SKAP1: variants seen among roughly 807,000 people sequenced by gnomAD.
The protein encoded by SKAP1 is src kinase-associated phosphoprotein 1.
A neutral mutation model predicts 58.5 loss-of-function variants in SKAP1; 44 were observed. That is an observed-to-expected ratio of 0.75 (90% CI 0.59 to 0.97). The LOEUF is 0.97. Among genes scored for constraint, SKAP1 ranks in the 50% least tolerant of loss-of-function variants. The probability of loss-of-function intolerance (pLI) is 0.00; values close to 1 mark genes in which losing one functional copy is unlikely to be tolerated. For synonymous variants in SKAP1, 127 were observed against 149.7 expected (o/e 0.85, Z 1.11); for missense variants, 390 against 435.2 (o/e 0.90, Z 0.92).
chr17:48,152,925 G>A (rs769794360), intron 11 of SKAP1, among the ~76,000 whole-genome samples: 10 of 152,090 alleles, frequency 6.6e-5, no homozygotes, highest in Non-Finnish European at 8.8e-5. Context: ...AACCTAACCC[G>A]GCCGTGGCTT....
intron 4 of SKAP1, among the ~76,000 whole-genome samples, chr17:48,271,272 C>CTA (rs1048688887): frequency 7.4e-5 from 11 of 149,104 alleles, no homozygotes; most frequent in South Asian, 2.1e-4. Flanking sequence ...AAATTGGAAA[C>CTA]TATATATATA....
At chr17:48,424,890 C>T (rs1334285121) in intron 1 of SKAP1, among the ~76,000 whole-genome samples, 3 of 149,470 alleles carry the variant, frequency 2.0e-5, no homozygotes, top group Non-Finnish European at 4.4e-5. Context: ...TGAGATCACT[C>T]CACTGTACTC....
intron 4 of SKAP1, among the ~76,000 whole-genome samples, chr17:48,269,858 C>G (rs574332392): frequency 4.7e-4 from 71 of 152,204 alleles, no homozygotes; most frequent in Middle Eastern, 3.4e-3. Context: ...CTTTGGGAGG[C>G]TGAGGCGGGA....
chr17:48,146,176 C>G (rs976750695), intron 11 of SKAP1, among the ~76,000 whole-genome samples: 1 of 152,078 alleles, frequency 6.6e-6, no homozygotes, highest in Non-Finnish European at 1.5e-5. Context: ...TCCCCACACA[C>G]AGGCCCCTGC....
chr17:48,183,293 G>C (rs1257668990), intron 7 of SKAP1, among the ~76,000 whole-genome samples: 1 of 152,058 alleles, frequency 6.6e-6, no homozygotes, highest in Non-Finnish European at 1.5e-5. Context: ...AAATAAGAAG[G>C]GAAAGAGCCA....
At chr17:48,176,239 G>C (rs2064288185) in intron 9 of SKAP1, among the ~76,000 whole-genome samples, 1 of 152,110 alleles carries the variant, frequency 6.6e-6, no homozygotes, top group Admixed American at 6.6e-5. Flanking sequence ...CTTTCCATTT[G>C]CTCTTCTGAA....
intron 1 of SKAP1, among the ~76,000 whole-genome samples, chr17:48,428,795 G>T (rs1046910680): frequency 6.6e-6 from 1 of 152,260 alleles, no homozygotes; most frequent in African/African-American, 2.4e-5. Context: ...AGAGGGAAAG[G>T]CTGGATTGTT....
chr17:48,170,499 C>A, intron 10 of SKAP1, 110 bp downstream of exon 10: 4 of 923,566 alleles, frequency 4.3e-6, no homozygotes, highest in Non-Finnish European at 7.1e-6. Context: ...CACAGGTACC[C>A]TCTTAATTAT....
chr17:48,200,669 C>T (rs949379081), intron 4 of SKAP1, among the ~76,000 whole-genome samples: 27 of 152,252 alleles, frequency 1.8e-4, no homozygotes, highest in Admixed American at 1.1e-3. Flanking sequence ...TGAGCCACCG[C>T]GCCCGGCCCT....
intron 4 of SKAP1, among the ~76,000 whole-genome samples, chr17:48,272,140 T>C (rs2065641382): frequency 5.5e-5 from 1 of 18,192 alleles, no homozygotes; most frequent in South Asian, 3.7e-3. Context: ...ATTGTCTTCC[T>C]TTTTTTTTTT....
At chr17:48,268,865 A>G (rs1175977144) in intron 4 of SKAP1, among the ~76,000 whole-genome samples, 1 of 152,146 alleles carries the variant, frequency 6.6e-6, no homozygotes. Context: ...TGATAAAACA[A>G]TTCTGAAATT....
intron 4 of SKAP1, among the ~76,000 whole-genome samples, chr17:48,239,895 C>A (rs969648180): frequency 6.7e-6 from 1 of 149,030 alleles, no homozygotes; most frequent in Admixed American, 6.7e-5. Context: ...TGAATCATGG[C>A]CTCTAAGAAA....
At chr17:48,393,869 CTAAAT>C (rs1479515035) in intron 2 of SKAP1, among the ~76,000 whole-genome samples, 1 of 143,768 alleles carries the variant, frequency 7.0e-6, no homozygotes, top group African/African-American at 2.6e-5. Context: ...ACTTGAAGTG[CTAAAT>C]TATAGTTTTA....
chr17:48,368,058 A>G (rs940496839), intron 2 of SKAP1, among the ~76,000 whole-genome samples: 7 of 152,046 alleles, frequency 4.6e-5, no homozygotes, highest in Non-Finnish European at 1.0e-4. Context: ...TTCTCTAAAT[A>G]TTATTTATGG....
chr17:48,354,140 G>C (rs1017010369), intron 3 of SKAP1, among the ~76,000 whole-genome samples: 3 of 152,170 alleles, frequency 2.0e-5, no homozygotes, highest in East Asian at 3.9e-4. Flanking sequence ...GAAAGGGTAA[G>C]TTTTCTTTGT....
intron 4 of SKAP1, among the ~76,000 whole-genome samples, chr17:48,280,119 A>C (rs2065748283): frequency 6.6e-6 from 1 of 152,222 alleles, no homozygotes; most frequent in Admixed American, 6.5e-5. Flanking sequence ...GAGTTCTGGA[A>C]AACATATTTT....
chr17:48,417,985 A>AC (rs1457230470), intron 1 of SKAP1, among the ~76,000 whole-genome samples: 1 of 152,146 alleles, frequency 6.6e-6, no homozygotes, highest in African/African-American at 2.4e-5. Flanking sequence ...TGGTAAAAAA[A>AC]AACAACAACA....
At chr17:48,174,772 C>A (rs1373077469) in intron 9 of SKAP1, among the ~76,000 whole-genome samples, 1 of 152,152 alleles carries the variant, frequency 6.6e-6, no homozygotes, top group Admixed American at 6.5e-5. Context: ...TATGTGCTAG[C>A]TCAACTTTAA....
At chr17:48,388,785 AT>A (rs1444055989) in intron 2 of SKAP1, among the ~76,000 whole-genome samples, 4 of 152,206 alleles carry the variant, frequency 2.6e-5, no homozygotes, top group African/African-American at 9.7e-5. Flanking sequence ...AAATCCTAAT[AT>A]TTAAACAAAT....
Sources: gnomAD v4.1 joint callset for allele counts (sites outside exome capture counted in the v4.1 genomes callset) on GRCh38, gnomAD v4.1.1 for gene constraint, MANE v1.5 for transcripts, NCBI Gene and HGNC (gene_info 2026-07-23, HGNC 2026-07-21) for gene names.